DENND5B: variants seen among roughly 807,000 people sequenced by gnomAD.
DENND5B encodes DENN domain-containing protein 5B.
Under a neutral mutation model 140.6 loss-of-function variants are expected in DENND5B, and 34 were observed. The ratio of observed to expected loss-of-function variants is 0.24; its 90% CI spans 0.18 to 0.32. The LOEUF is 0.32. Ranked by LOEUF, DENND5B falls within the 10% of genes least tolerant of loss-of-function variation. DENND5B has a pLI of 1.00. For missense variants in DENND5B, 1,142 were observed against 1,560.2 expected, an observed-to-expected ratio of 0.73 and a Z score of 4.52; for synonymous variants, 551 against 562.1, an observed-to-expected ratio of 0.98 and a Z score of 0.28.
At chr12:31,527,397 C>T (rs1018449923) in intron 1 of DENND5B, among the ~76,000 whole-genome samples, 7 of 152,032 alleles carry the variant, frequency 4.6e-5, no homozygotes, top group Non-Finnish European at 7.4e-5. Flanking sequence ...AGGTTACGGG[C>T]GGCCAGATCA....
intron 1 of DENND5B, among the ~76,000 whole-genome samples, chr12:31,547,958 G>A (rs1565684073): frequency 6.6e-6 from 1 of 151,888 alleles, no homozygotes; most frequent in Non-Finnish European, 1.5e-5. Context: ...CACCAACCTC[G>A]GCTTCCCAAA....
rs77969132 is a variant in DENND5B at position 31,441,879 on chromosome 12, C to T, written c.2012+896G>A. On this transcript the variant is annotated intron_variant, in intron 7 of 20. Transcript: ENST00000389082. ...TATCTTTTTTGTAGAGACAGGGTTT[C>T]GCCACATTGGCTAGGCTGGTCCTGA... 8.9e-4 allele frequency among the ~76,000 whole-genome samples: 135 copies of T among 151,350 alleles called. No homozygotes were observed. The East Asian group carries it at 0.022, about 25-fold the overall frequency.
chr12:31,450,298 A>G (rs1171886027), intron 5 of DENND5B, among the ~76,000 whole-genome samples: 1 of 152,184 alleles, frequency 6.6e-6, no homozygotes, highest in African/African-American at 2.4e-5. Flanking sequence ...GAACACCAGA[A>G]CGTAACTGTT....
chr12:31,582,488 A>G (rs763764540), intron 1 of DENND5B, among the ~76,000 whole-genome samples: 1 of 152,248 alleles, frequency 6.6e-6, no homozygotes, highest in African/African-American at 2.4e-5. Context: ...AAAACCCAGT[A>G]AGAAGAGCAA....
chr12:31,412,384 T>TA (rs1470705324), intron 13 of DENND5B, among the ~76,000 whole-genome samples: 1 of 152,202 alleles, frequency 6.6e-6, no homozygotes, highest in African/African-American at 2.4e-5. Flanking sequence ...TCATGGAAGA[T>TA]AATGTTCCCA....
intron 17 of DENND5B, among the ~76,000 whole-genome samples, chr12:31,397,312 G>A (rs1941527017): frequency 6.6e-6 from 1 of 151,996 alleles, no homozygotes; most frequent in Admixed American, 6.6e-5. Flanking sequence ...ACTTTCAGAA[G>A]CTAAGGCGGG....
intron 11 of DENND5B, among the ~76,000 whole-genome samples, chr12:31,416,284 T>C (rs190078192): frequency 3.3e-5 from 5 of 151,936 alleles, no homozygotes; most frequent in African/African-American, 1.2e-4. Context: ...TTAAATATAG[T>C]CTTGCTCTGT....
At chr12:31,476,933 A>G (rs547667263) in intron 3 of DENND5B, among the ~76,000 whole-genome samples, 1 of 152,296 alleles carries the variant, frequency 6.6e-6, no homozygotes, top group East Asian at 1.9e-4. Context: ...CTAGAATACA[A>G]AGTTCTTTTT....
intron 11 of DENND5B, among the ~76,000 whole-genome samples, chr12:31,422,299 G>A (rs1036157242): frequency 2.6e-5 from 4 of 151,340 alleles, no homozygotes; most frequent in Admixed American, 6.6e-5. Flanking sequence ...GCGTGCTCAC[G>A]GGCACCTGTA....
chr12:31,409,981 AC>A (rs2137527201), intron 13 of DENND5B, among the ~76,000 whole-genome samples: 1 of 152,302 alleles, frequency 6.6e-6, no homozygotes, highest in Non-Finnish European at 1.5e-5. Context: ...TTAGACAAAC[AC>A]CTTTAATCTT....
chr12:31,474,413 T>G (rs1315052730), intron 3 of DENND5B, among the ~76,000 whole-genome samples: 3 of 152,236 alleles, frequency 2.0e-5, no homozygotes, highest in African/African-American at 4.8e-5. Context: ...AGTGCCCATT[T>G]CTGATCTGGG....
At chr12:31,458,034 G>T (rs770256054) in intron 4 of DENND5B, among the ~76,000 whole-genome samples, 8 of 152,188 alleles carry the variant, frequency 5.3e-5, no homozygotes, top group Non-Finnish European at 1.0e-4. Context: ...TATTTTCACA[G>T]CTAATTCAGG....
chr12:31,501,453 AC>A (rs1946997463), intron 1 of DENND5B, among the ~76,000 whole-genome samples: 1 of 152,180 alleles, frequency 6.6e-6, no homozygotes, highest in Admixed American at 6.5e-5. Context: ...ACAGACGAAT[AC>A]AAGAATATTA....
At chr12:31,474,659 T>G (rs559434450) in intron 3 of DENND5B, among the ~76,000 whole-genome samples, 1 of 152,312 alleles carries the variant, frequency 6.6e-6, no homozygotes, top group Admixed American at 6.5e-5. Flanking sequence ...ACGCAATGTT[T>G]TTAAATTTAT....
intron 12 of DENND5B, among the ~76,000 whole-genome samples, chr12:31,414,429 C>T (rs191683967): frequency 2.6e-5 from 4 of 152,140 alleles, no homozygotes; most frequent in African/African-American, 9.6e-5. Context: ...ATTGTTCTGC[C>T]ACATATCCTG....
intron 1 of DENND5B, among the ~76,000 whole-genome samples, chr12:31,513,097 T>A (rs1947489494): frequency 6.6e-6 from 1 of 152,182 alleles, no homozygotes; most frequent in Admixed American, 6.5e-5. Context: ...TGAGTAGTAT[T>A]GGTCAGGTAT....
chr12:31,469,761 G>A (rs1945456737), intron 3 of DENND5B, among the ~76,000 whole-genome samples: 2 of 152,082 alleles, frequency 1.3e-5, no homozygotes, highest in African/African-American at 2.4e-5. Context: ...TGAGTGAGTA[G>A]TTTTTCACTC....
intron 7 of DENND5B, among the ~76,000 whole-genome samples, chr12:31,435,932 G>A (rs2137882431): frequency 6.6e-6 from 1 of 152,084 alleles, no homozygotes; most frequent in East Asian, 1.9e-4. Flanking sequence ...AAGTAGGTGG[G>A]ATTACAGGTG....
chr12:31,513,838 AT>A (rs35872313), intron 1 of DENND5B, among the ~76,000 whole-genome samples: 3,182 of 145,186 alleles, frequency 0.022, 48 homozygotes, highest in South Asian at 0.044. Flanking sequence ...CTCAGATAAC[AT>A]TTTTTTTTTT....
Sources: allele counts gnomAD v4.1 joint callset (sites outside exome capture counted in the v4.1 genomes callset), GRCh38; gene constraint gnomAD v4.1.1; transcripts MANE v1.5; gene names NCBI Gene and HGNC (gene_info 2026-07-23, HGNC 2026-07-21).